VWA5A: variants seen among roughly 807,000 people sequenced by gnomAD.
VWA5A encodes von Willebrand factor A domain-containing protein 5A.
In VWA5A, 77 loss-of-function variants were observed where a neutral mutation model predicts 84.6. The ratio of observed to expected loss-of-function variants is 0.91; its 90% CI spans 0.76 to 1.10. The LOEUF is 1.10. Ranked by LOEUF, VWA5A falls within the 50% of genes least tolerant of loss-of-function variation. The pLI is 0.00. For missense variants in VWA5A, 973 were observed against 963.0 expected (o/e 1.01, Z -0.14); for synonymous variants, 334 against 350.1 (o/e 0.95, Z 0.51).
intron 11 of VWA5A, among the ~76,000 whole-genome samples, chr11:124,126,865 G>A (rs1352744589): frequency 6.6e-6 from 1 of 151,788 alleles, no homozygotes; most frequent in Non-Finnish European, 1.5e-5. Flanking sequence ...TGAAATATTT[G>A]AGGGCAAACC....
At chr11:124,132,506 G>T (rs1225415095) in intron 11 of VWA5A, among the ~76,000 whole-genome samples, 1 of 151,952 alleles carries the variant, frequency 6.6e-6, no homozygotes, top group South Asian at 2.1e-4. Flanking sequence ...TTTTATAAAA[G>T]TTTGTATATT....
At chr11:124,124,727 T>C in intron 11 of VWA5A, 1 of 210,310 alleles carries the variant, frequency 4.8e-6, no homozygotes, top group Middle Eastern at 2.4e-3. Flanking sequence ...ATCTGTACCC[T>C]TTTCCATCAT....
In VWA5A at chr11:124,118,244, A is replaced by T. The variant is rs1864868825; in HGVS notation, c.302A>T (p.Glu101Val). 5 of 1,613,968 alleles carry T rather than the reference A, an allele frequency of 3.1e-6. No individual in the cohort carries two copies. The Admixed American group carries it at 8.3e-5, about 27-fold the overall frequency. ...CAGGGCCACCAGGCCTTCTTATTGG[A>T]GGGGGACAGCAGCTCCAGGGATGTC... is the stretch of plus-strand genomic sequence containing the variant. ...ISQGHQAFLL[E>V]GDSSSRDVFS... Residue 101 changes from glutamate to valine, a missense_variant, in exon 5 of 19, where the codon GAG becomes GTG. Coordinates refer to ENST00000456829, the MANE Select transcript of VWA5A (RefSeq NM_001130142.2).
chr11:124,120,338 C>T (rs1864912100), intron 7 of VWA5A, among the ~76,000 whole-genome samples: 1 of 152,184 alleles, frequency 6.6e-6, no homozygotes, highest in African/African-American at 2.4e-5. Context: ...TTCGGTGACA[C>T]AGGACTGGAG....
At chr11:124,137,893 C>G (rs1452242902) in intron 15 of VWA5A, among the ~76,000 whole-genome samples, 1 of 152,216 alleles carries the variant, frequency 6.6e-6, no homozygotes, top group Non-Finnish European at 1.5e-5. Context: ...GGGTCTCACT[C>G]TGTTGCCGAG....
chr11:124,133,282 A>G (rs148505311), intron 11 of VWA5A, among the ~76,000 whole-genome samples: 166 of 152,326 alleles, frequency 1.1e-3, no homozygotes, highest in African/African-American at 3.7e-3. Context: ...TTTATCCTAA[A>G]TTCTTAGTTG....
chr11:124,131,018 C>A (rs1865089462), intron 11 of VWA5A, among the ~76,000 whole-genome samples: 1 of 152,000 alleles, frequency 6.6e-6, no homozygotes, highest in South Asian at 2.1e-4. Context: ...GTGAGATAAA[C>A]CTAGCTTCCA....
chr11:124,145,807 T>G, intron 18 of VWA5A, 59 bp from the exon 19 acceptor site: 1 of 1,518,792 alleles, frequency 6.6e-7, no homozygotes, highest in South Asian at 1.2e-5. Flanking sequence ...ATCTGGGAGG[T>G]TTGGAGGAGC....
In VWA5A at chr11:124,138,849, C is replaced by T. The variant is rs111603211; in HGVS notation, c.1879+1581C>T. ...TGAGGTCATATCCAAAAATCATTGC[C>T]CAGACCAATGTCATAGATATTTTCC... On this transcript the variant is annotated intron_variant, in intron 15 of 18. Coordinates refer to ENST00000456829, the MANE Select transcript of VWA5A (RefSeq NM_001130142.2). 1.0e-3 allele frequency among the ~76,000 whole-genome samples: 153 copies of T among 152,176 alleles called. 2 individuals carry two copies. The highest frequency in any genetic ancestry group is 3.5e-3 in the African/African-American group (144 of 41,524).
At chr11:124,144,931 A>G (rs947848973) in intron 17 of VWA5A, among the ~76,000 whole-genome samples, 1 of 152,122 alleles carries the variant, frequency 6.6e-6, no homozygotes, top group African/African-American at 2.4e-5. Context: ...TTCTTTATAA[A>G]CTATAAAGCA....
chr11:124,143,077 T>C (rs754422013), intron 17 of VWA5A, among the ~76,000 whole-genome samples: 1 of 152,170 alleles, frequency 6.6e-6, no homozygotes, highest in African/African-American at 2.4e-5. Flanking sequence ...GTTCTAAGAG[T>C]ATCTGTCTTG....
At position 124,136,306 on chromosome 11, in the gene VWA5A, T is replaced by C; in HGVS notation, c.1524+13T>C. 1.2e-6 allele frequency: 2 copies of C among 1,607,408 alleles called. No individual in the cohort carries two copies. The highest frequency in any genetic ancestry group is 4.5e-5 in the East Asian group (2 of 44,658). On this transcript the variant is annotated intron_variant, in intron 13 of 18. Transcript: ENST00000456829. Reference sequence around the variant, plus strand: ...CGGGAGGATGCCAGTGAGTTCCCATTCTTATTTGTTCCTCTAGTCAAAGAG... The same window carrying C: ...CGGGAGGATGCCAGTGAGTTCCCATCCTTATTTGTTCCTCTAGTCAAAGAG...
At position 124,136,804 on chromosome 11, in the gene VWA5A, A is replaced by G. The variant is rs1011050367; in HGVS notation, c.1625+130A>G. ...TCCTTCCTTCCTTCTTTCCTCTGCC[A>G]TCTTTGGGGATTAGATTTCTTCTCT... On this transcript the variant is annotated intron_variant, in intron 14 of 18. Coordinates refer to ENST00000456829, the MANE Select transcript of VWA5A (RefSeq NM_001130142.2). 1.2e-5 allele frequency: 10 copies of G among 868,836 alleles called. No homozygotes were observed. In the Admixed American group the frequency reaches 1.8e-4, roughly 15 times the overall value. 53.8% of individuals were successfully genotyped at this position (868,836 alleles called of 1,614,324 possible).
chr11:124,117,593 T>G, intron 3 of VWA5A, 39 bp downstream of exon 3: 1 of 1,614,010 alleles, frequency 6.2e-7, no homozygotes, highest in East Asian at 2.2e-5. Flanking sequence ...CATTGAATCT[T>G]TGGCACCTAT....
At chr11:124,132,008 T>C (rs1258759178) in intron 11 of VWA5A, among the ~76,000 whole-genome samples, 1 of 152,040 alleles carries the variant, frequency 6.6e-6, no homozygotes, top group Non-Finnish European at 1.5e-5. Context: ...TTATTTCTGT[T>C]TTGAGGGTTC....
chr11:124,137,224 T>A lies in VWA5A; in HGVS notation c.1835T>A (p.Ile612Asn). 6.2e-7 allele frequency: 1 copy of A among 1,614,160 alleles called. No homozygotes were observed. The highest frequency in any genetic ancestry group is 8.5e-7 in the Non-Finnish European group (1 of 1,180,028). The change falls in exon 15 of 19, where the codon ATT (isoleucine) becomes AAT (asparagine). Residue 612 changes from isoleucine to asparagine, a missense_variant. Physicochemically the swap from Ile to Asn is moderately radical, Grantham distance 149 (BLOSUM62 -3). Coordinates refer to ENST00000456829, the MANE Select transcript of VWA5A (RefSeq NM_001130142.2). Reference protein sequence around the residue: ...PLAHRDVPRPILLGASAPLKI... With the variant: ...PLAHRDVPRPNLLGASAPLKI... ...GCTCATAGGGACGTCCCAAGGCCAA[T>A]TCTGTTGGGTGCTTCTGCCCCATTG...
intron 14 of VWA5A, 59 bp from the exon 15 acceptor site, chr11:124,136,956 G>A: frequency 1.3e-6 from 2 of 1,562,142 alleles, no homozygotes; most frequent in Non-Finnish European, 1.7e-6. Flanking sequence ...GGAGCCCTGA[G>A]AAACTGGTAT....
chr11:124,120,250 T>G (rs777878348), intron 7 of VWA5A, among the ~76,000 whole-genome samples: 1 of 152,234 alleles, frequency 6.6e-6, no homozygotes, highest in East Asian at 1.9e-4. Context: ...ATGCACTCTT[T>G]CTTGGAATTT....
intron 15 of VWA5A, 148 bp from the exon 16 acceptor site, chr11:124,141,450 G>A: frequency 1.1e-6 from 1 of 913,682 alleles, no homozygotes; most frequent in Middle Eastern, 3.4e-4. Flanking sequence ...GTTTGCGCAG[G>A]AGGTGGGCAT....
Sources: allele counts gnomAD v4.1 joint callset (sites outside exome capture counted in the v4.1 genomes callset), GRCh38; gene constraint gnomAD v4.1.1; transcripts MANE v1.5; gene names NCBI Gene and HGNC (gene_info 2026-07-23, HGNC 2026-07-21).